The following NRG3 variants were observed in gnomAD, a reference collection of about 807,000 sequenced individuals.
The protein encoded by NRG3 is neuregulin 3.
In NRG3, 31 loss-of-function variants were observed where a neutral mutation model predicts 66.9. The ratio of observed to expected loss-of-function variants is 0.46; its 90% confidence interval spans 0.35 to 0.63. The LOEUF is 0.63. NRG3 is among the 20% of genes least tolerant of loss of function. The probability of loss-of-function intolerance (pLI) is 0.00; values close to 1 mark genes in which losing one functional copy is unlikely to be tolerated. For missense variants in NRG3, 910 were observed against 878.9 expected, an observed-to-expected ratio of 1.04 and a Z score of -0.45; for synonymous variants, 393 against 359.4, an observed-to-expected ratio of 1.09 and a Z score of -1.06.
chr10:82,601,901 TAACTATATATATATAA>T (rs1186189047), intron 2 of NRG3, among the ~76,000 whole-genome samples: 1 of 147,044 alleles, frequency 6.8e-6, no homozygotes, highest in Non-Finnish European at 1.5e-5. Flanking sequence ...TATATATATA[TAACTATATATATATAA>T]AACTATATAT....
At chr10:82,358,998 C>T (rs771057615) in intron 2 of NRG3, 130 bp downstream of exon 2, 71 of 1,295,980 alleles carry the variant, frequency 5.5e-5, no homozygotes, top group Non-Finnish European at 7.1e-5. Context: ...AGCAGAATTG[C>T]GAGTCTTAAT....
At chr10:82,893,472 G>A (rs917619055) in intron 4 of NRG3, among the ~76,000 whole-genome samples, 1 of 152,108 alleles carries the variant, frequency 6.6e-6, no homozygotes, top group African/African-American at 2.4e-5. Flanking sequence ...GGCAGATCAC[G>A]AGGTCAGGAG....
intron 2 of NRG3, among the ~76,000 whole-genome samples, chr10:82,520,749 A>C (rs1176523486): frequency 6.6e-6 from 1 of 152,230 alleles, no homozygotes; most frequent in East Asian, 1.9e-4. Flanking sequence ...GGGAAAATTT[A>C]AAGTACTTTG....
intron 1 of NRG3, among the ~76,000 whole-genome samples, chr10:82,074,370 C>T (rs547130314): frequency 1.1e-3 from 163 of 152,132 alleles, no homozygotes; most frequent in Non-Finnish European, 1.8e-3. Context: ...ATAGTAGAAA[C>T]GTTGGATTTT....
chr10:82,661,145 C>T (rs1055268929), intron 2 of NRG3, among the ~76,000 whole-genome samples: 1 of 152,038 alleles, frequency 6.6e-6, no homozygotes, highest in Non-Finnish European at 1.5e-5. Flanking sequence ...TTACTATTCC[C>T]TCGTCTGACA....
chr10:82,539,940 C>A (rs1238158241), intron 2 of NRG3, among the ~76,000 whole-genome samples: 1 of 152,120 alleles, frequency 6.6e-6, no homozygotes, highest in Non-Finnish European at 1.5e-5. Flanking sequence ...CCGTTTACTG[C>A]CGTTTTTTTA....
intron 2 of NRG3, among the ~76,000 whole-genome samples, chr10:82,509,763 G>GT (rs1371633383): frequency 6.6e-6 from 1 of 152,082 alleles, no homozygotes; most frequent in African/African-American, 2.4e-5. Context: ...ATTACGACTG[G>GT]TATTTTCAAA....
chr10:81,887,041 G>GA (rs1392813493), intron 1 of NRG3, among the ~76,000 whole-genome samples: 1 of 151,974 alleles, frequency 6.6e-6, no homozygotes, highest in African/African-American at 2.4e-5. Context: ...TTATACTTTT[G>GA]AAAAATGTAA....
chr10:82,412,950 TA>T (rs1173973005), intron 2 of NRG3, among the ~76,000 whole-genome samples: 5 of 152,206 alleles, frequency 3.3e-5, no homozygotes. Flanking sequence ...CTTCTAATTC[TA>T]GTTCTCTTGC....
intron 2 of NRG3, among the ~76,000 whole-genome samples, chr10:82,616,354 G>A (rs998637211): frequency 7.2e-5 from 11 of 151,974 alleles, no homozygotes; most frequent in African/African-American, 1.5e-4. Flanking sequence ...CACATTATTC[G>A]CTTGTGTACA....
intron 4 of NRG3, among the ~76,000 whole-genome samples, chr10:82,868,190 A>T (rs1056981660): frequency 3.9e-5 from 6 of 152,156 alleles, no homozygotes; most frequent in Admixed American, 2.0e-4. Flanking sequence ...TGTGCTTCCT[A>T]TTGTGTCTGA....
intron 1 of NRG3, among the ~76,000 whole-genome samples, chr10:82,119,344 C>G (rs1448293197): frequency 6.6e-6 from 1 of 152,060 alleles, no homozygotes; most frequent in South Asian, 2.1e-4. Context: ...TCTCTATTGA[C>G]TTATCTAGCT....
chr10:82,224,191 C>T (rs78745100), intron 1 of NRG3: 6,268 of 152,220 alleles, frequency 0.041, 158 homozygotes, highest in African/African-American at 0.047. Context: ...ATCCTCAGCA[C>T]TTACAACAGA....
At chr10:82,567,515 G>A (rs554279432) in intron 2 of NRG3, among the ~76,000 whole-genome samples, 66 of 152,020 alleles carry the variant, frequency 4.3e-4, no homozygotes, top group African/African-American at 1.5e-3. Flanking sequence ...GCACTAAGAG[G>A]CTTCTCTTGT....
At chr10:82,108,213 T>C (rs2067182323) in intron 1 of NRG3, among the ~76,000 whole-genome samples, 1 of 152,238 alleles carries the variant, frequency 6.6e-6, no homozygotes, top group African/African-American at 2.4e-5. Flanking sequence ...GACTCATCTA[T>C]GATATTAATA....
intron 3 of NRG3, among the ~76,000 whole-genome samples, chr10:82,787,400 A>G (rs77496922): frequency 0.027 from 4,131 of 152,280 alleles, 169 homozygotes; most frequent in African/African-American, 0.092. Flanking sequence ...ATATCATGCT[A>G]TAAGTACATG....
intron 1 of NRG3, among the ~76,000 whole-genome samples, chr10:82,202,884 A>G (rs2074918913): frequency 6.6e-6 from 1 of 152,194 alleles, no homozygotes; most frequent in Admixed American, 6.5e-5. Flanking sequence ...CTATTAGACT[A>G]TATAAAAGTC....
chr10:82,981,274 G>T (rs566805302), intron 8 of NRG3, among the ~76,000 whole-genome samples: 3 of 152,176 alleles, frequency 2.0e-5, no homozygotes, highest in African/African-American at 7.2e-5. Flanking sequence ...TCACTGTTGG[G>T]TTGGAATATT....
intron 1 of NRG3, among the ~76,000 whole-genome samples, chr10:82,338,269 G>A (rs566098906): frequency 6.6e-6 from 1 of 152,236 alleles, no homozygotes; most frequent in South Asian, 2.1e-4. Flanking sequence ...TATTGATCTA[G>A]TCTATGTAAT....
Sources: gnomAD v4.1 joint callset for allele counts (sites outside exome capture counted in the v4.1 genomes callset) on GRCh38, gnomAD v4.1.1 for gene constraint, MANE v1.5 for transcripts, NCBI Gene and HGNC (gene_info 2026-07-23, HGNC 2026-07-21) for gene names.